The following XIRP2 variants were observed in gnomAD, a reference collection of about 807,000 sequenced individuals.
The protein encoded by XIRP2 is xin actin-binding repeat-containing protein 2.
In XIRP2, 236 loss-of-function variants were observed where a neutral mutation model predicts 277.0. The ratio of observed to expected loss-of-function variants is 0.85; its 90% CI spans 0.77 to 0.95. The LOEUF (loss-of-function observed/expected upper bound fraction) is 0.95. Among genes scored for constraint, XIRP2 ranks in the 40% least tolerant of loss-of-function variants. The pLI is 0.00. For synonymous variants in XIRP2, 1,490 were observed against 1,416.5 expected (o/e 1.05, Z -1.17); for missense variants, 4,640 against 4,157.5 (o/e 1.12, Z -3.19).
At chr2:167,013,076 A>C (rs1322507392) in intron 2 of XIRP2, among the ~76,000 whole-genome samples, 1 of 151,350 alleles carries the variant, frequency 6.6e-6, no homozygotes, top group Non-Finnish European at 1.5e-5. Flanking sequence ...CTAACTGACC[A>C]GTTAAATTGT....
chr2:167,178,921 A>T (rs1692931930), intron 3 of XIRP2, among the ~76,000 whole-genome samples: 1 of 152,204 alleles, frequency 6.6e-6, no homozygotes, highest in Non-Finnish European at 1.5e-5. Flanking sequence ...TTTCTCAGTG[A>T]AAGAATGTAT....
intron 2 of XIRP2, among the ~76,000 whole-genome samples, chr2:167,028,217 TTTTA>T (rs1688229139): frequency 6.6e-6 from 1 of 152,104 alleles, no homozygotes; most frequent in Non-Finnish European, 1.5e-5. Context: ...GCAAAATTTC[TTTTA>T]TTTCTCACAA....
At position 167,246,762 on chromosome 2, in the gene XIRP2, G is replaced by A; in HGVS notation, c.5370G>A (p.Leu1790=). 1 of 1,613,850 alleles carries A rather than the reference G, an allele frequency of 6.2e-7. No individual in the cohort carries two copies. Among genetic ancestry groups the A allele is most frequent in the Non-Finnish European group, 8.5e-7 (1 of 1,179,836 alleles). ...GTGGTGATGTTGAAGGTACAAAACT[G>A]TTACTGAAGAAAAGGCAGTCTCTGG... ...IIGGDVEGTK[L]LLKKRQSLVE... is the part of the protein sequence containing the mutation. The change falls in exon 9 of 11, where the codon CTG becomes CTA. Residue 1790 remains leucine, a synonymous_variant. Coordinates refer to ENST00000409195, the MANE Select transcript of XIRP2 (RefSeq NM_152381.6).
chr2:167,198,253 T>C (rs1324600850), intron 3 of XIRP2, among the ~76,000 whole-genome samples: 1 of 152,214 alleles, frequency 6.6e-6, no homozygotes, highest in East Asian at 1.9e-4. Flanking sequence ...GCTGCATTTA[T>C]AGGCAAAGGG....
At chr2:167,165,738 GTC>G (rs1692505540) in intron 3 of XIRP2, among the ~76,000 whole-genome samples, 2 of 152,174 alleles carry the variant, frequency 1.3e-5, no homozygotes, top group African/African-American at 4.8e-5. Context: ...TTGGATAACA[GTC>G]CCTTATCAGA....
At chr2:167,117,736 A>G (rs969871718) in intron 2 of XIRP2, among the ~76,000 whole-genome samples, 1 of 152,260 alleles carries the variant, frequency 6.6e-6, no homozygotes, top group Non-Finnish European at 1.5e-5. Context: ...TTTGCAATAC[A>G]GTACACCAGC....
intron 3 of XIRP2, among the ~76,000 whole-genome samples, chr2:167,150,415 A>T (rs1691983437): frequency 1.3e-5 from 2 of 152,056 alleles, no homozygotes; most frequent in Admixed American, 1.3e-4. Flanking sequence ...TAATCAAAAG[A>T]AATACTATAC....
At chr2:167,084,807 T>C (rs983473824) in intron 2 of XIRP2, among the ~76,000 whole-genome samples, 1 of 150,820 alleles carries the variant, frequency 6.6e-6, no homozygotes, top group Non-Finnish European at 1.5e-5. Context: ...TCATTTTTTA[T>C]TGTGTCTATT....
chr2:166,936,032 T>C (rs1298216704), intron 2 of XIRP2, among the ~76,000 whole-genome samples: 1 of 152,182 alleles, frequency 6.6e-6, no homozygotes, highest in African/African-American at 2.4e-5. Context: ...CCACCAACAG[T>C]GTAAAAGTGT....
At chr2:167,144,042 T>A (rs1691798563) in intron 3 of XIRP2, among the ~76,000 whole-genome samples, 1 of 152,074 alleles carries the variant, frequency 6.6e-6, no homozygotes. Flanking sequence ...CTATATGAAA[T>A]AAAATTTAAT....
intron 2 of XIRP2, among the ~76,000 whole-genome samples, chr2:167,066,742 C>T (rs1253826734): frequency 6.6e-6 from 1 of 152,012 alleles, no homozygotes; most frequent in Non-Finnish European, 1.5e-5. Flanking sequence ...AAATATCCAT[C>T]AATGGATAAA....
chr2:166,910,575 G>C (rs922708006), intron 2 of XIRP2, among the ~76,000 whole-genome samples: 2 of 151,798 alleles, frequency 1.3e-5, no homozygotes, highest in Non-Finnish European at 2.9e-5. Flanking sequence ...TCCTGGATTC[G>C]TTGATTTTTT....
chr2:167,153,325 C>A (rs1259700503), intron 3 of XIRP2, among the ~76,000 whole-genome samples: 2 of 152,000 alleles, frequency 1.3e-5, no homozygotes, highest in East Asian at 1.9e-4. Flanking sequence ...AGTTACTTAA[C>A]CACTTTAAGC....
chr2:167,039,012 GC>G (rs1447161723), intron 2 of XIRP2, among the ~76,000 whole-genome samples: 2 of 151,948 alleles, frequency 1.3e-5, no homozygotes, highest in African/African-American at 4.8e-5. Flanking sequence ...ATTTTTTTCA[GC>G]ATAAGAATGT....
intron 4 of XIRP2, among the ~76,000 whole-genome samples, chr2:167,217,218 G>T (rs1158820409): frequency 6.7e-6 from 1 of 149,674 alleles, no homozygotes; most frequent in East Asian, 2.0e-4. Context: ...CACCAGCATG[G>T]CACATGTATA....
chr2:167,211,046 GA>G, intron 4 of XIRP2, 151 bp downstream of exon 4: 1 of 941,594 alleles, frequency 1.1e-6, no homozygotes. Context: ...CAGACTATCT[GA>G]ATTTAAGTTT....
intron 5 of XIRP2, among the ~76,000 whole-genome samples, chr2:167,230,248 G>A (rs1278857488): frequency 6.6e-6 from 1 of 152,040 alleles, no homozygotes; most frequent in Non-Finnish European, 1.5e-5. Flanking sequence ...AGAGATTGTT[G>A]GAACTTCAAT....
intron 2 of XIRP2, among the ~76,000 whole-genome samples, chr2:166,987,704 T>G (rs962118664): frequency 6.6e-6 from 1 of 152,176 alleles, no homozygotes; most frequent in Non-Finnish European, 1.5e-5. Flanking sequence ...CTTAAAAGAT[T>G]TGAATGTGCC....
chr2:166,998,141 G>C (rs926933528), intron 2 of XIRP2, among the ~76,000 whole-genome samples: 3 of 152,048 alleles, frequency 2.0e-5, no homozygotes, highest in African/African-American at 7.3e-5. Flanking sequence ...ATTTTGCATT[G>C]ATTCCATGTC....
Sources: gnomAD v4.1 joint callset for allele counts (sites outside exome capture counted in the v4.1 genomes callset) on GRCh38, gnomAD v4.1.1 for gene constraint, MANE v1.5 for transcripts, NCBI Gene and HGNC (gene_info 2026-07-23, HGNC 2026-07-21) for gene names.